Variants in ZNF385D observed in about 807,000 individuals in gnomAD.
The protein encoded by ZNF385D is zinc finger protein 659.
In ZNF385D, 15 loss-of-function variants were observed where a neutral mutation model predicts 35.8. The observed-to-expected ratio is 0.42, with a 90% CI of 0.28 to 0.64. The LOEUF (loss-of-function observed/expected upper bound fraction) is 0.64, where lower values mean the gene tolerates loss of function less well. Ranked by LOEUF, ZNF385D falls within the 30% of genes least tolerant of loss-of-function variation. ZNF385D has a pLI of 0.23. For missense variants in ZNF385D, 474 were observed against 494.6 expected (o/e 0.96, Z 0.39); for synonymous variants, 212 against 186.8 (o/e 1.13, Z -1.10).
rs76293683 is a variant in ZNF385D at position 21,823,548 on chromosome 3, C to T, written c.326-158520G>A. ...TTCTCTTTTCATCAGACATTACAGC[C>T]TCTCTCTGGGGATGAAGTCAAGCGT... On this transcript the variant is annotated intron_variant, in intron 3 of 5. Transcript: ENST00000494108. 3.5e-3 allele frequency among the ~76,000 whole-genome samples: 540 copies of T among 152,280 alleles called. 2 individuals carry two copies. The highest frequency in any genetic ancestry group is 0.012 in the African/African-American group (506 of 41,574).
intron 3 of ZNF385D, among the ~76,000 whole-genome samples, chr3:21,837,063 G>C (rs138207105): frequency 6.6e-6 from 1 of 152,058 alleles, no homozygotes; most frequent in East Asian, 1.9e-4. Context: ...TATCCTTAAA[G>C]CTCTTTAAAG....
intron 2 of ZNF385D, among the ~76,000 whole-genome samples, chr3:22,296,397 G>A (rs901012459): frequency 2.0e-5 from 3 of 152,070 alleles, no homozygotes; most frequent in Non-Finnish European, 4.4e-5. Flanking sequence ...CTCAGTTACT[G>A]TTTCAGCTGG....
chr3:22,318,344 A>C (rs1704014989), intron 2 of ZNF385D, among the ~76,000 whole-genome samples: 1 of 152,212 alleles, frequency 6.6e-6, no homozygotes, highest in African/African-American at 2.4e-5. Context: ...GGAAAATTTG[A>C]TGTGGAAAGG....
At chr3:21,529,690 A>G (rs1480331606) in intron 3 of ZNF385D, among the ~76,000 whole-genome samples, 1 of 152,314 alleles carries the variant, frequency 6.6e-6, no homozygotes, top group Non-Finnish European at 1.5e-5. Flanking sequence ...AACACAACCT[A>G]GAATATCACA....
chr3:21,766,707 G>C (rs1052487545), intron 3 of ZNF385D, among the ~76,000 whole-genome samples: 1 of 152,056 alleles, frequency 6.6e-6, no homozygotes, highest in African/African-American at 2.4e-5. Flanking sequence ...AGATAGAATA[G>C]CTGAAAGTGA....
intron 3 of ZNF385D, among the ~76,000 whole-genome samples, chr3:21,943,020 T>C (rs2125278716): frequency 6.6e-6 from 1 of 152,252 alleles, no homozygotes; most frequent in East Asian, 1.9e-4. Context: ...AATGTAATAT[T>C]ACTTCACATA....
intron 2 of ZNF385D, among the ~76,000 whole-genome samples, chr3:22,189,242 T>C (rs145014853): frequency 8.0e-4 from 122 of 152,272 alleles, no homozygotes; most frequent in Non-Finnish European, 5.9e-4. Context: ...GTATGACCTA[T>C]GGCATAAACT....
chr3:22,171,208 CAG>C (rs1446085688), intron 2 of ZNF385D, among the ~76,000 whole-genome samples: 2 of 152,184 alleles, frequency 1.3e-5, no homozygotes, highest in African/African-American at 4.8e-5. Flanking sequence ...GGCAATGCTA[CAG>C]AGATAGTCAC....
chr3:22,319,464 G>A (rs981244925), intron 2 of ZNF385D, among the ~76,000 whole-genome samples: 1 of 151,982 alleles, frequency 6.6e-6, no homozygotes, highest in Non-Finnish European at 1.5e-5. Context: ...TAAAAAGAAA[G>A]AAAATTCAGT....
rs1371770590 is a variant in ZNF385D, at chr3:22,164,252, C to T, written c.325+4565G>A. 1.7e-4 allele frequency among the ~76,000 whole-genome samples: 12 copies of T among 70,610 alleles called. 1 individual carries two copies. The highest frequency in any genetic ancestry group is 4.9e-4 in the South Asian group (1 of 2,060). The allele number at this position is 70,610 out of a possible 152,430, so 46.3% of individuals were successfully genotyped here. A position where few individuals can be genotyped will look rare whatever the true frequency, so the allele number is the denominator to read the frequency against. ...TTTTTTTTTTTTTTTTTTTTTGAGACGGGGTCTCACTCTGTTGCCAGGTTG... is the reference window on the plus strand; with the variant it reads ...TTTTTTTTTTTTTTTTTTTTTGAGATGGGGTCTCACTCTGTTGCCAGGTTG... On this transcript the variant is annotated intron_variant, in intron 3 of 5. Coordinates refer to the ZNF385D transcript ENST00000494108.
chr3:21,937,619 A>C (rs1216925912), intron 3 of ZNF385D, among the ~76,000 whole-genome samples: 3 of 152,140 alleles, frequency 2.0e-5, no homozygotes, highest in Non-Finnish European at 4.4e-5. Context: ...CATAGAAATA[A>C]AAAATTTTAA....
rs370762788 is a variant in ZNF385D, at chr3:22,348,706, GGA to G, written c.106+23742_106+23743del. 4.2e-4 allele frequency among the ~76,000 whole-genome samples: 63 copies of G among 151,772 alleles called. No individual in the cohort carries two copies. The East Asian group carries it at 8.4e-3, about 20-fold the overall frequency. ...AGGAAGGGAGGGAGGGAGGGAGGGA[GGA>G]GAGAGAAAGTAGGGTACAGGCACTT... On this transcript the variant is annotated intron_variant, in intron 2 of 5. Coordinates refer to the ZNF385D transcript ENST00000494108.
chr3:21,833,020 G>A (rs779583171), intron 3 of ZNF385D, among the ~76,000 whole-genome samples: 6 of 151,972 alleles, frequency 3.9e-5, no homozygotes, highest in East Asian at 1.9e-4. Context: ...CAATGGTAGC[G>A]CACATCCTAC....
At chr3:21,988,123 C>G (rs1475134746) in intron 3 of ZNF385D, among the ~76,000 whole-genome samples, 1 of 126,018 alleles carries the variant, frequency 7.9e-6, no homozygotes, top group East Asian at 2.3e-4. Context: ...AATGTCCTCC[C>G]GTAGCTCAGA....
intron 2 of ZNF385D, among the ~76,000 whole-genome samples, chr3:21,594,655 G>T (rs773476990): frequency 2.0e-5 from 3 of 152,116 alleles, no homozygotes; most frequent in Non-Finnish European, 4.4e-5. Flanking sequence ...TTAAAGCTTG[G>T]TGATCAGTCT....
At chr3:21,813,003 G>A (rs2072997873) in intron 3 of ZNF385D, among the ~76,000 whole-genome samples, 1 of 152,166 alleles carries the variant, frequency 6.6e-6, no homozygotes, top group South Asian at 2.1e-4. Context: ...AGCTTCCAGA[G>A]GAAGCATCAG....
rs1027573304 is a variant in ZNF385D, at chr3:21,932,625, AT to A, written c.325+236191del. Among the ~76,000 whole-genome samples the A allele has an allele frequency of 4.6e-4, 70 of 151,976 alleles. 1 individual carries two copies. The highest frequency in any genetic ancestry group is 1.5e-3 in the African/African-American group (62 of 41,446). ...AATCAATTGAATTGGAGTCAGGATTATTTTCTTCTTAAGAAAGTTAAGGAGG... is the reference window on the plus strand; with the variant it reads ...AATCAATTGAATTGGAGTCAGGATTATTTCTTCTTAAGAAAGTTAAGGAGG... On this transcript the variant is annotated intron_variant, in intron 3 of 5. Coordinates refer to the ZNF385D transcript ENST00000494108.
intron 1 of ZNF385D, among the ~76,000 whole-genome samples, chr3:21,698,182 G>C (rs539572861): frequency 1.3e-5 from 2 of 152,070 alleles, no homozygotes; most frequent in African/African-American, 2.4e-5. Context: ...CAATAACAAA[G>C]TCATGGAATT....
chr3:21,751,233 TCCACCCCACC>T (rs369498668), upstream of ZNF385D: 5 of 1,189,128 alleles, frequency 4.2e-6, no homozygotes, highest in African/African-American at 4.8e-5. Flanking sequence ...AGCAGACCCC[TCCACCCCACC>T]CCACCCCACC....
Sources: gnomAD v4.1 joint callset for allele counts (sites outside exome capture counted in the v4.1 genomes callset) on GRCh38, gnomAD v4.1.1 for gene constraint, MANE v1.5 for transcripts, NCBI Gene and HGNC (gene_info 2026-07-23, HGNC 2026-07-21) for gene names.